KANK1: variants seen among roughly 807,000 people sequenced by gnomAD.
KANK1 encodes the protein KN motif and ankyrin repeat domains 1.
In KANK1, 109 loss-of-function variants were observed where a neutral mutation model predicts 106.2. The observed-to-expected ratio is 1.03, with a 90% CI of 0.88 to 1.20. KANK1 has a LOEUF of 1.20. Among genes scored for constraint, KANK1 ranks in the 50% most tolerant of loss-of-function variants. The probability of loss-of-function intolerance (pLI) is 0.00; values close to 1 mark genes in which losing one functional copy is unlikely to be tolerated. For synonymous variants in KANK1, 873 were observed against 652.2 expected (o/e 1.34, Z -5.16); for missense variants, 2,399 against 1,710.7 (o/e 1.40, Z -7.10).
intron 1 of KANK1, among the ~76,000 whole-genome samples, chr9:524,914 AC>A (rs1453884319): frequency 6.6e-6 from 1 of 151,004 alleles, no homozygotes; most frequent in African/African-American, 2.5e-5. Context: ...ACAGGTATTA[AC>A]ATGCTTGTAA....
chr9:583,097 C>G (rs143429633), intron 1 of KANK1, among the ~76,000 whole-genome samples: 1 of 152,238 alleles, frequency 6.6e-6, no homozygotes, highest in African/African-American at 2.4e-5. Flanking sequence ...AACCTAGTAA[C>G]TTGGTTTGTG....
Position 712,754 on chromosome 9 carries a change from T to C in KANK1, c.1988T>C (p.Met663Thr), listed in dbSNP as rs111273694. 6.0e-4 allele frequency: 969 copies of C among 1,613,930 alleles called. 4 individuals carry two copies. Among genetic ancestry groups the C allele is most frequent in the Middle Eastern group, 4.9e-3 (30 of 6,062 alleles). Residue 663 changes from methionine to threonine, a missense_variant, in exon 3 of 12, where the codon ATG (methionine) becomes ACG (threonine). Coordinates refer to ENST00000382297, the MANE Select transcript of KANK1 (RefSeq NM_015158.5). ...GTTAGCCAGGTGGAAGCTGCCGTCA[T>C]GGCAGTGCCTCGTACTGCAGACCAG... ...EAVSQVEAAV[M>T]AVPRTADQDT...
chr9:618,300 C>T (rs1832326143), intron 1 of KANK1, among the ~76,000 whole-genome samples: 1 of 152,102 alleles, frequency 6.6e-6, no homozygotes, highest in Admixed American at 6.5e-5. Flanking sequence ...CCTCCACCTG[C>T]TGGTTCAAGC....
At chr9:735,143 A>G (rs1225700799) in intron 7 of KANK1, among the ~76,000 whole-genome samples, 2 of 152,196 alleles carry the variant, frequency 1.3e-5, no homozygotes, top group South Asian at 2.1e-4. Flanking sequence ...ATCTTTCTAC[A>G]TATTTCATTT....
chr9:571,191 C>T (rs1819063899), intron 1 of KANK1, among the ~76,000 whole-genome samples: 2 of 152,130 alleles, frequency 1.3e-5, no homozygotes, highest in African/African-American at 2.4e-5. Flanking sequence ...TTTTGTGTGA[C>T]ATGGTGGTGT....
chr9:577,696 G>A (rs925228883), intron 1 of KANK1, among the ~76,000 whole-genome samples: 2 of 152,160 alleles, frequency 1.3e-5, no homozygotes, highest in Non-Finnish European at 2.9e-5. Flanking sequence ...ACATTCTCAA[G>A]TTCCACCCCA....
rs560465292 is a variant in KANK1 at position 741,306 on chromosome 9, A to G, written c.3696+372A>G. 1.3e-4 allele frequency among the ~76,000 whole-genome samples: 19 copies of G among 150,598 alleles called. No homozygotes were observed. The South Asian group carries it at 3.8e-3, about 30-fold the overall frequency. ...TCATAGCAAACAGTGTCCCAGGTCC[A>G]GATGTGTTCACAGCTTGACTTTTTT... On this transcript the variant is annotated intron_variant, in intron 9 of 11. Transcript: ENST00000382297.
chr9:554,610 T>C (rs2061473552), intron 1 of KANK1, among the ~76,000 whole-genome samples: 1 of 152,188 alleles, frequency 6.6e-6, no homozygotes, highest in Non-Finnish European at 1.5e-5. Flanking sequence ...ACCATCTGAA[T>C]TATCAGAATC....
rs549752508 is a variant in KANK1, at chr9:624,906, G to C, written c.-83-51984G>C. On this transcript the variant is annotated intron_variant, in intron 1 of 11. Coordinates refer to ENST00000382297, the MANE Select transcript of KANK1 (RefSeq NM_015158.5). ...CTCTGAGGAAAAGGGGTGTGCAGCCGGACAGGCTTCAGTTTAAAAGCTTAA... is the reference window on the plus strand; with the variant it reads ...CTCTGAGGAAAAGGGGTGTGCAGCCCGACAGGCTTCAGTTTAAAAGCTTAA... Among the ~76,000 whole-genome samples, 15 of 152,194 alleles carry C rather than the reference G, an allele frequency of 9.9e-5. No homozygotes were observed. The East Asian group carries it at 2.7e-3, about 27-fold the overall frequency.
At chr9:531,921 T>A (rs1289165432) in intron 1 of KANK1, among the ~76,000 whole-genome samples, 1 of 152,202 alleles carries the variant, frequency 6.6e-6, no homozygotes, top group Non-Finnish European at 1.5e-5. Context: ...AGAGAACTTT[T>A]GTCTAGATGC....
intron 1 of KANK1, among the ~76,000 whole-genome samples, chr9:617,825 A>G (rs771383022): frequency 6.6e-6 from 1 of 152,190 alleles, no homozygotes; most frequent in Non-Finnish European, 1.5e-5. Context: ...TTCTCATAGG[A>G]GTAGGCTCCA....
upstream of KANK1, among the ~76,000 whole-genome samples, chr9:500,636 A>G (rs1211963405): frequency 2.6e-5 from 4 of 152,274 alleles, no homozygotes; most frequent in Non-Finnish European, 4.4e-5. Context: ...GAAATTTAAC[A>G]TATGAAGGTG....
chr9:511,960 A>G (rs2059046783), intron 1 of KANK1, among the ~76,000 whole-genome samples: 1 of 152,142 alleles, frequency 6.6e-6, no homozygotes, highest in South Asian at 2.1e-4. Context: ...GACTGAGGTC[A>G]TTCCCTGGTA....
At chr9:641,740 C>G (rs1385580679) in intron 1 of KANK1, among the ~76,000 whole-genome samples, 1 of 152,168 alleles carries the variant, frequency 6.6e-6, no homozygotes, top group Non-Finnish European at 1.5e-5. Flanking sequence ...TTCATCCTGT[C>G]TTAACCTTCA....
At chr9:732,670 G>A (rs975801311) in intron 6 of KANK1, 53 bp downstream of exon 6, 27 of 1,588,396 alleles carry the variant, frequency 1.7e-5, no homozygotes, top group Non-Finnish European at 2.2e-5. Context: ...AATGTACTTT[G>A]GCAATAGAGT....
chr9:712,122 C>G lies in KANK1; in HGVS notation c.1356C>G (p.Asp452Glu), dbSNP rs149308888. 6 of 1,613,942 alleles carry G rather than the reference C, an allele frequency of 3.7e-6. No homozygotes were observed. The highest frequency in any genetic ancestry group is 5.1e-6 in the Non-Finnish European group (6 of 1,180,036). Residue 452 changes from aspartate (D) to glutamate (E), a missense_variant, in exon 3 of 12, where the codon GAC (aspartate) becomes GAG (glutamate). Coordinates refer to ENST00000382297, the MANE Select transcript of KANK1 (RefSeq NM_015158.5). Reference protein sequence around the residue: ...EAMLGVMTEADKEIELQQQTI... With the variant: ...EAMLGVMTEAEKEIELQQQTI... ...TGCTTGGAGTGATGACTGAAGCTGA[C>G]AAAGAAATTGAGCTGCAACAGCAGA... is the stretch of plus-strand genomic sequence containing the variant.
At chr9:687,773 CTTTTATTCT>C (rs1818904454) in intron 2 of KANK1, among the ~76,000 whole-genome samples, 4 of 152,124 alleles carry the variant, frequency 2.6e-5, no homozygotes, top group Non-Finnish European at 5.9e-5. Context: ...TTCTTTATTC[CTTTTATTCT>C]GTTATTATTC....
At position 730,206 on chromosome 9, in the gene KANK1, C is replaced by G. The variant is rs745685757; in HGVS notation, c.2854C>G (p.Pro952Ala). 4 of 1,614,056 alleles carry G rather than the reference C, an allele frequency of 2.5e-6. No individual in the cohort carries two copies. Among genetic ancestry groups the G allele is most frequent in the African/African-American group, 1.3e-5 (1 of 74,924 alleles). ...AFPTQEGTLS[P>A]VNLTDDQIAA... ...CCCCACTCAGGAAGGTACGCTGTCT[C>G]CAGTGAACCTGACAGACGACCAGAT... The change falls in exon 4 of 12, where the codon CCA becomes GCA. Residue 952 changes from proline (P) to alanine (A), a missense_variant. By Grantham distance (27) the Pro-to-Ala change is conservative. Coordinates refer to ENST00000382297, the MANE Select transcript of KANK1 (RefSeq NM_015158.5).
chr9:590,562 G>A (rs910156352), intron 1 of KANK1, among the ~76,000 whole-genome samples: 4 of 151,940 alleles, frequency 2.6e-5, no homozygotes, highest in African/African-American at 2.4e-5. Context: ...AATGAAAGAT[G>A]TATCGATAAA....
Sources: gnomAD v4.1 joint callset for allele counts (sites outside exome capture counted in the v4.1 genomes callset) on GRCh38, gnomAD v4.1.1 for gene constraint, MANE v1.5 for transcripts, NCBI Gene and HGNC (gene_info 2026-07-23, HGNC 2026-07-21) for gene names.